Variants in ANTXR1 observed in about 807,000 individuals in gnomAD.
ANTXR1 encodes ANTXR cell adhesion molecule 1.
In ANTXR1, 19 loss-of-function variants were observed where a neutral mutation model predicts 78.1. That is an observed-to-expected ratio of 0.24 (90% CI 0.17 to 0.36). ANTXR1 has a LOEUF of 0.36. ANTXR1 is among the 10% of genes least tolerant of loss of function. The pLI is 1.00. For missense variants in ANTXR1, 518 were observed against 718.6 expected (o/e 0.72, Z 3.19); for synonymous variants, 273 against 260.5 (o/e 1.05, Z -0.46).
chr2:69,184,831 G>C (rs899739953), intron 16 of ANTXR1, among the ~76,000 whole-genome samples: 8 of 152,194 alleles, frequency 5.3e-5, no homozygotes, highest in African/African-American at 1.9e-4. Flanking sequence ...TTCAAACCCG[G>C]CTGAGTGTCA....
chr2:69,209,612 G>A (rs1027883086), intron 17 of ANTXR1, among the ~76,000 whole-genome samples: 1 of 152,214 alleles, frequency 6.6e-6, no homozygotes, highest in African/African-American at 2.4e-5. Flanking sequence ...GCTGCATGGT[G>A]GGAAAAGCCC....
intron 3 of ANTXR1, among the ~76,000 whole-genome samples, chr2:69,065,527 A>C (rs1200488638): frequency 4.6e-5 from 7 of 152,118 alleles, no homozygotes; most frequent in Admixed American, 4.6e-4. Context: ...AAATGTTAAA[A>C]TATAATAAAG....
At chr2:69,142,446 A>G (rs1187650201) in intron 12 of ANTXR1, among the ~76,000 whole-genome samples, 1 of 152,234 alleles carries the variant, frequency 6.6e-6, no homozygotes, top group Non-Finnish European at 1.5e-5. Flanking sequence ...ACATAATAAT[A>G]TAATTTCTAT....
chr2:69,212,864 A>G (rs1038613861), intron 17 of ANTXR1, among the ~76,000 whole-genome samples: 1 of 151,818 alleles, frequency 6.6e-6, no homozygotes, highest in African/African-American at 2.4e-5. Flanking sequence ...GCCAGAGTGC[A>G]GTGGTGAACA....
At chr2:69,155,661 G>A (rs569144239) in intron 13 of ANTXR1, among the ~76,000 whole-genome samples, 109 of 152,268 alleles carry the variant, frequency 7.2e-4, no homozygotes, top group Non-Finnish European at 1.2e-3. Context: ...TGAATGTGTA[G>A]GGGGGAAAGT....
intron 14 of ANTXR1, among the ~76,000 whole-genome samples, chr2:69,176,851 T>C (rs1183209592): frequency 6.6e-6 from 1 of 152,242 alleles, no homozygotes; most frequent in African/African-American, 2.4e-5. Flanking sequence ...TATTGAAACC[T>C]GCAGTGAACT....
chr2:69,115,295 C>T (rs1672106795), intron 10 of ANTXR1, among the ~76,000 whole-genome samples: 1 of 152,228 alleles, frequency 6.6e-6, no homozygotes. Context: ...TATTGTAAAG[C>T]CCTGATACAA....
At chr2:69,236,332 GTGTATA>G in intron 17 of ANTXR1, among the ~76,000 whole-genome samples, 1 of 152,200 alleles carries the variant, frequency 6.6e-6, no homozygotes, top group East Asian at 1.9e-4. Context: ...GTATGTGTGA[GTGTATA>G]TATGTATATG....
intron 1 of ANTXR1, among the ~76,000 whole-genome samples, chr2:69,021,393 G>A (rs1269937134): frequency 2.0e-5 from 3 of 152,164 alleles, no homozygotes; most frequent in Admixed American, 6.5e-5. Context: ...AATAACCCCC[G>A]AATCTCAGTT....
intron 12 of ANTXR1, among the ~76,000 whole-genome samples, chr2:69,137,811 G>A (rs560970155): frequency 2.9e-4 from 44 of 150,620 alleles, no homozygotes; most frequent in African/African-American, 7.5e-4. Flanking sequence ...AACAGTGGGC[G>A]CGGTGGCTCC....
intron 5 of ANTXR1, 51 bp downstream of exon 5, chr2:69,071,838 T>A: frequency 2.6e-6 from 4 of 1,556,842 alleles, no homozygotes; most frequent in Non-Finnish European, 3.5e-6. Context: ...TTTTTCCGTG[T>A]TTGTTGCTGA....
At chr2:69,082,004 TAATGCCCACGATGTG>T (rs1670912858) in intron 8 of ANTXR1, among the ~76,000 whole-genome samples, 1 of 152,244 alleles carries the variant, frequency 6.6e-6, no homozygotes, top group Admixed American at 6.5e-5. Flanking sequence ...CAAGTCTTTC[TAATGCCCACGATGTG>T]AATGCCCACT....
At chr2:69,191,858 T>G (rs1674553303) in intron 16 of ANTXR1, among the ~76,000 whole-genome samples, 1 of 152,210 alleles carries the variant, frequency 6.6e-6, no homozygotes, top group Non-Finnish European at 1.5e-5. Flanking sequence ...TCAACTCTGG[T>G]TTATAAACCA....
intron 1 of ANTXR1, among the ~76,000 whole-genome samples, chr2:69,026,389 A>G (rs1458196456): frequency 1.3e-5 from 2 of 152,244 alleles, no homozygotes; most frequent in Non-Finnish European, 2.9e-5. Flanking sequence ...TATGTGTCAC[A>G]TAAGGTTGTG....
intron 12 of ANTXR1, among the ~76,000 whole-genome samples, chr2:69,131,810 G>C (rs1400667464): frequency 6.6e-6 from 1 of 152,146 alleles, no homozygotes; most frequent in Non-Finnish European, 1.5e-5. Context: ...TTCAGAAAAG[G>C]ATGGCCAGCA....
chr2:69,054,548 G>A (rs1670016555), intron 3 of ANTXR1, among the ~76,000 whole-genome samples: 1 of 152,130 alleles, frequency 6.6e-6, no homozygotes, highest in East Asian at 1.9e-4. Flanking sequence ...GCTTAAGGAG[G>A]TAGAATGGAA....
chr2:69,023,787 G>A (rs78185298), intron 1 of ANTXR1, among the ~76,000 whole-genome samples: 13,746 of 152,206 alleles, frequency 0.09, 2,096 homozygotes, highest in African/African-American at 0.31. Flanking sequence ...TGGTTGAGAT[G>A]AGAGGGACTT....
chr2:69,100,604 CCA>C (rs1311246346), intron 9 of ANTXR1, among the ~76,000 whole-genome samples: 2 of 152,150 alleles, frequency 1.3e-5, no homozygotes, highest in African/African-American at 4.8e-5. Flanking sequence ...GCCTGCATTT[CCA>C]CAGTCTTCTC....
chr2:69,234,585 G>A (rs1425475682), intron 17 of ANTXR1, among the ~76,000 whole-genome samples: 2 of 151,932 alleles, frequency 1.3e-5, no homozygotes, highest in Non-Finnish European at 2.9e-5. Context: ...CCTGACCAAC[G>A]TGGTGAAAAC....
Sources: allele counts gnomAD v4.1 joint callset (sites outside exome capture counted in the v4.1 genomes callset), GRCh38; gene constraint gnomAD v4.1.1; transcripts MANE v1.5; gene names NCBI Gene and HGNC (gene_info 2026-07-23, HGNC 2026-07-21).